Variants in PPP2R2C observed in about 807,000 individuals in gnomAD.
PPP2R2C encodes protein phosphatase 2, regulatory subunit B, gamma.
Under a neutral mutation model 45.3 loss-of-function variants are expected in PPP2R2C, and 10 were observed. The ratio of observed to expected loss-of-function variants is 0.22; its 90% CI spans 0.14 to 0.37. The LOEUF is 0.37. PPP2R2C is among the 10% of genes least tolerant of loss of function. The pLI, the probability that PPP2R2C is intolerant of heterozygous loss-of-function variation, is 1.00. For synonymous variants in PPP2R2C, 257 were observed against 245.4 expected (o/e 1.05, Z -0.44); for missense variants, 308 against 619.7 (o/e 0.50, Z 5.34).
chr4:6,472,032 G>C (rs1721923823), intron 1 of PPP2R2C, 128 bp downstream of exon 1: 2 of 1,120,566 alleles, frequency 1.8e-6, no homozygotes, highest in African/African-American at 1.6e-5. Context: ...GGGTGGGATG[G>C]GGTGGGGTGG....
intron 1 of PPP2R2C, among the ~76,000 whole-genome samples, chr4:6,414,710 G>A (rs11724328): frequency 0.27 from 40,953 of 151,666 alleles, 5,914 homozygotes; most frequent in Admixed American, 0.39. Flanking sequence ...ATGTATCCAC[G>A]AGGCCCTGGG....
Position 6,407,592 on chromosome 4 carries a change from G to A in PPP2R2C, c.71-26498C>T, listed in dbSNP as rs1398689094. Among the ~76,000 whole-genome samples the A allele has an allele frequency of 3.3e-4, 50 of 152,066 alleles. 2 individuals are homozygous for A. The highest frequency in any genetic ancestry group is 3.2e-3 in the Admixed American group (49 of 15,256). On this transcript the variant is annotated intron_variant, in intron 1 of 8. Coordinates refer to ENST00000382599, the MANE Select transcript of PPP2R2C (RefSeq NM_020416.4). The stretch of plus-strand genomic sequence containing the variant: ...TTTTTTGTATTTTTAGTAGAGACGG[G>A]GTTTCACCATGTTGGCCAGGCTGGT...
At chr4:6,554,724 G>A (rs1466698403) in intron 1 of PPP2R2C, among the ~76,000 whole-genome samples, 1 of 151,902 alleles carries the variant, frequency 6.6e-6, no homozygotes, top group East Asian at 1.9e-4. Context: ...GCCAGGCCTG[G>A]TGGTGCACAC....
At chr4:6,541,084 G>A (rs1724790931) in intron 1 of PPP2R2C, among the ~76,000 whole-genome samples, 1 of 152,192 alleles carries the variant, frequency 6.6e-6, no homozygotes, top group Non-Finnish European at 1.5e-5. Context: ...AAAGGGCAGG[G>A]GCCAGCTGAG....
chr4:6,510,909 A>G (rs7696589), intron 2 of PPP2R2C, among the ~76,000 whole-genome samples: 11,467 of 149,462 alleles, frequency 0.077, 808 homozygotes, highest in African/African-American at 0.19. Flanking sequence ...CCCGGGAGGC[A>G]AAGGTTGCAG....
chr4:6,327,695 A>G (rs1732065168), intron 8 of PPP2R2C, among the ~76,000 whole-genome samples: 1 of 152,062 alleles, frequency 6.6e-6, no homozygotes, highest in African/African-American at 2.4e-5. Context: ...GCCTAGAGAG[A>G]AGGTCCTGTG....
intron 2 of PPP2R2C, among the ~76,000 whole-genome samples, chr4:6,496,827 C>T (rs1435444369): frequency 2.0e-5 from 3 of 151,534 alleles, no homozygotes; most frequent in Non-Finnish European, 4.4e-5. Context: ...CGCCACTGCA[C>T]TCCAGCCTGG....
rs955580470 is a variant in PPP2R2C, at chr4:6,329,177, G to A, written c.1052+85C>T. 9 of 1,315,958 alleles carry A rather than the reference G, an allele frequency of 6.8e-6. No individual in the cohort carries two copies. Among genetic ancestry groups the A allele is most frequent in the African/African-American group, 5.8e-5 (4 of 69,068 alleles). The allele number at this position is 1,315,958 out of a possible 1,614,324, so 81.5% of individuals were successfully genotyped here. On this transcript the variant is annotated intron_variant, in intron 8 of 8. Coordinates refer to ENST00000382599, the MANE Select transcript of PPP2R2C (RefSeq NM_020416.4). This position sits in a 1 kb window ranked among gnomAD's most constrained non-coding sequence, Gnocchi z 5.8. ...TGAGGCTGAGTAGCCCCATGCTGCG[G>A]GTCACCGGAATCCCAGCCCAGACCC...
intron 1 of PPP2R2C, among the ~76,000 whole-genome samples, chr4:6,450,722 C>G (rs552970969): frequency 1.2e-4 from 18 of 150,148 alleles, no homozygotes; most frequent in African/African-American, 9.7e-5. Flanking sequence ...CCTGGCCTAC[C>G]CATTCCTGAG....
At chr4:6,356,487 C>G (rs938253852) in intron 5 of PPP2R2C, among the ~76,000 whole-genome samples, 1 of 152,218 alleles carries the variant, frequency 6.6e-6, no homozygotes, top group Non-Finnish European at 1.5e-5. Flanking sequence ...GCAATCCTTG[C>G]CCCCTGACCA....
At chr4:6,325,898 C>T (rs1731898293) in intron 8 of PPP2R2C, among the ~76,000 whole-genome samples, 1 of 151,304 alleles carries the variant, frequency 6.6e-6, no homozygotes, top group Non-Finnish European at 1.5e-5. Flanking sequence ...GGCTCCTGCC[C>T]TCGCCACCCG....
At chr4:6,408,437 C>G (rs141568276) in intron 1 of PPP2R2C, among the ~76,000 whole-genome samples, 1 of 152,296 alleles carries the variant, frequency 6.6e-6, no homozygotes, top group African/African-American at 2.4e-5. Context: ...CTAGAGGCAG[C>G]CAATCACCAG....
At chr4:6,369,015 G>C (rs1714580155) in intron 5 of PPP2R2C, among the ~76,000 whole-genome samples, 2 of 152,182 alleles carry the variant, frequency 1.3e-5, no homozygotes, top group Non-Finnish European at 2.9e-5. Flanking sequence ...AATGAAGGGG[G>C]ATGTCTCTGT....
rs144185763 is a variant in PPP2R2C, at chr4:6,367,371, G to A, written c.625+5152C>T. Among the ~76,000 whole-genome samples, 140 of 152,168 alleles carry A rather than the reference G, an allele frequency of 9.2e-4. 2 individuals carry two copies. The highest frequency in any genetic ancestry group is 3.2e-3 in the African/African-American group (133 of 41,526). On this transcript the variant is annotated intron_variant, in intron 5 of 8. Transcript: ENST00000382599. ...TGAACAGTGTCATCGGGCCGAGTGA[G>A]GACCCCAGAGAGCAGGGGTCAGAAG...
intron 1 of PPP2R2C, among the ~76,000 whole-genome samples, chr4:6,541,999 G>A (rs1724815737): frequency 6.6e-6 from 1 of 152,236 alleles, no homozygotes; most frequent in South Asian, 2.1e-4. Flanking sequence ...AGTACTTTAA[G>A]GGATTCATGA....
Position 6,329,104 on chromosome 4 carries a change from T to C in PPP2R2C, c.1052+158A>G, listed in dbSNP as rs1732188478. Among the ~76,000 whole-genome samples, 1 of 152,174 alleles carries C rather than the reference T, an allele frequency of 6.6e-6. No individual in the cohort carries two copies. Among genetic ancestry groups the C allele is most frequent in the Non-Finnish European group, 1.5e-5 (1 of 68,034 alleles). On this transcript the variant is annotated intron_variant, in intron 8 of 8. Coordinates refer to ENST00000382599, the MANE Select transcript of PPP2R2C (RefSeq NM_020416.4). The surrounding 1 kb of genome is among the most constrained non-coding windows in gnomAD (Gnocchi z 5.8). ...CCCCTTGAATCTGAGCGCTGAGAGT[T>C]GGACCTGCTCTGGAAAGCGTGGGCT...
At chr4:6,399,948 CTG>C (rs1717304629) in intron 1 of PPP2R2C, among the ~76,000 whole-genome samples, 1 of 152,220 alleles carries the variant, frequency 6.6e-6, no homozygotes, top group Admixed American at 6.5e-5. Flanking sequence ...CCAGCCATGG[CTG>C]TGTTTCCTGC....
At chr4:6,389,056 C>T (rs574307506) in intron 1 of PPP2R2C, among the ~76,000 whole-genome samples, 202 of 152,230 alleles carry the variant, frequency 1.3e-3, no homozygotes, top group South Asian at 1.9e-3. Context: ...TCATCAAAGC[C>T]GTGGTAATCC....
intron 1 of PPP2R2C, among the ~76,000 whole-genome samples, chr4:6,407,963 CAG>C (rs1407653578): frequency 2.0e-5 from 3 of 152,188 alleles, no homozygotes; most frequent in Non-Finnish European, 2.9e-5. Flanking sequence ...ATATGAAAAA[CAG>C]AATGTAAAAT....
Sources: gnomAD v4.1 joint callset for allele counts (sites outside exome capture counted in the v4.1 genomes callset) on GRCh38, gnomAD v4.1.1 for gene constraint, Gnocchi (gnomAD v3.1) non-coding constraint, MANE v1.5 for transcripts, NCBI Gene and HGNC (gene_info 2026-07-23, HGNC 2026-07-21) for gene names.